MKKS: variants seen among roughly 807,000 people sequenced by gnomAD.
The protein encoded by MKKS is MKKS centrosomal shuttling protein, also known as molecular chaperone MKKS.
Under a neutral mutation model 33.2 loss-of-function variants are expected in MKKS, and 29 were observed. That is an observed-to-expected ratio of 0.87 (90% CI 0.65 to 1.19). The LOEUF (loss-of-function observed/expected upper bound fraction) is 1.19. Ranked by LOEUF, MKKS falls within the 50% of genes most tolerant of loss-of-function variation. The probability of loss-of-function intolerance (pLI) is 0.00; values close to 1 mark genes in which losing one functional copy is unlikely to be tolerated. For synonymous variants in MKKS, 260 were observed against 244.0 expected (o/e 1.07, Z -0.61); for missense variants, 661 against 662.3 (o/e 1.00, Z 0.02).
rs766731269 is a variant in MKKS, at chr20:10,408,657, T to C, written c.1132A>G (p.Arg378Gly). The stretch of plus-strand genomic sequence containing the variant: ...AGCTCATCCCAGGCAGTGTCATTTC[T>C]GTTGCAGAGAAGCAAGCTGCAGATT... ...ATICSLLLCN[R>G]NDTAWDELKL... is the part of the protein sequence containing the mutation. Residue 378 changes from arginine (R) to glycine (G), a missense_variant, in exon 4 of 6, where the codon AGA becomes GGA. Physicochemically the swap from Arg to Gly is moderately radical, Grantham distance 125. Coordinates refer to ENST00000347364, the MANE Select transcript of MKKS (RefSeq NM_170784.3). 5 of 1,614,032 alleles carry C rather than the reference T, an allele frequency of 3.1e-6. No individual in the cohort carries two copies. Among genetic ancestry groups the C allele is most frequent in the South Asian group, 2.2e-5 (2 of 91,086 alleles).
In MKKS at chr20:10,413,893, C is replaced by A; in HGVS notation, c.-379G>T. On this transcript the variant is annotated 5_prime_UTR_variant, in exon 3 of 6. Transcript: ENST00000347364. Reference sequence around the variant, plus strand: ...ATCCAACTGGTATTTTTCATCTCTTCTTTCGATATGAAGCTCAGATTCAAA... The same window carrying A: ...ATCCAACTGGTATTTTTCATCTCTTATTTCGATATGAAGCTCAGATTCAAA... The A allele has an allele frequency of 4.7e-6, 2 of 421,814 alleles. No homozygotes were observed. Among genetic ancestry groups the A allele is most frequent in the South Asian group, 8.8e-5 (1 of 11,402 alleles). 26.1% of individuals were successfully genotyped at this position (421,814 alleles called of 1,614,324 possible).
chr20:10,432,773 G>C (rs2065062671), intron 1 of MKKS, among the ~76,000 whole-genome samples: 1 of 118,190 alleles, frequency 8.5e-6, no homozygotes, highest in African/African-American at 3.1e-5. Context: ...CTGCGCGACA[G>C]AGCGAGACTC....
chr20:10,406,040 A>G (rs2064841808), intron 5 of MKKS, among the ~76,000 whole-genome samples: 1 of 152,174 alleles, frequency 6.6e-6, no homozygotes, highest in Admixed American at 6.5e-5. Flanking sequence ...GTTTTTCTGC[A>G]CACAGGAGGA....
In MKKS at chr20:10,405,673, T is replaced by G; in HGVS notation, c.1287A>C (p.Pro429=). ...ATTCATCATCTTTGAGAATGCTTTC[T>G]GGGTCGTTGTGAGTCTAAAGAGTAA... ...AYIRHKTHND[P]ESILKDDECT... The change falls in exon 6 of 6, where the codon CCA becomes CCC. Residue 429 remains proline, a synonymous_variant. Transcript: ENST00000347364. 4 of 1,613,906 alleles carry G rather than the reference T, an allele frequency of 2.5e-6. No homozygotes were observed. The highest frequency in any genetic ancestry group is 3.4e-6 in the Non-Finnish European group (4 of 1,179,778).
chr20:10,429,389 C>T (rs980705139), intron 1 of MKKS, among the ~76,000 whole-genome samples: 2 of 152,130 alleles, frequency 1.3e-5, no homozygotes, highest in Admixed American at 6.5e-5. Context: ...GTTTCCTGGG[C>T]GGTCTCATTC....
chr20:10,413,111 G>T lies in MKKS; in HGVS notation c.404C>A (p.Thr135Asn), dbSNP rs191973138. Residue 135 changes from threonine to asparagine, a missense_variant, in exon 3 of 6, where the codon ACC (threonine) becomes AAC (asparagine). Coordinates refer to ENST00000347364, the MANE Select transcript of MKKS (RefSeq NM_170784.3). ...GTCCACTGGGATTCGACAACCACAG[G>T]TCTCAGACTTGAGATAACTGATGCA... ...SLCISYLKSETCGCRIPVDFS... is the reference protein window; with the variant it reads ...SLCISYLKSENCGCRIPVDFS... The T allele has an allele frequency of 3.1e-6, 5 of 1,614,006 alleles. No individual in the cohort carries two copies. The highest frequency in any genetic ancestry group is 3.3e-5 in the Admixed American group (2 of 60,020).
Position 10,405,233 on chromosome 20 carries a change from A to G in MKKS, c.*14T>C. On this transcript the variant is annotated 3_prime_UTR_variant, in exon 6 of 6. Coordinates refer to ENST00000347364, the MANE Select transcript of MKKS (RefSeq NM_170784.3). ...GTTTATTTGTTTCTCTTGTAATACG[A>G]ACATGCTATTCTCTTAGTTTTTATC... The G allele has an allele frequency of 6.3e-7, 1 of 1,593,214 alleles. No homozygotes were observed. The highest frequency in any genetic ancestry group is 8.6e-7 in the Non-Finnish European group (1 of 1,166,252).
At chr20:10,407,590 A>G (rs2064851717) in intron 5 of MKKS, 26 bp downstream of exon 5, 2 of 1,586,044 alleles carry the variant, frequency 1.3e-6, no homozygotes, top group Non-Finnish European at 1.7e-6. Context: ...GAATTCAGGT[A>G]ATCCGAAGAG....
In MKKS at chr20:10,413,122, G is replaced by T. The variant is rs751982863; in HGVS notation, c.393C>A (p.Leu131=). 6.2e-7 allele frequency: 1 copy of T among 1,614,042 alleles called. No individual in the cohort carries two copies. Among genetic ancestry groups the T allele is most frequent in the Admixed American group, 1.7e-5 (1 of 60,022 alleles). Reference sequence around the variant, plus strand: ...TTCGACAACCACAGGTCTCAGACTTGAGATAACTGATGCAAAGACTCAAAA... The same window carrying T: ...TTCGACAACCACAGGTCTCAGACTTTAGATAACTGATGCAAAGACTCAAAA... ...KHLLSLCISY[L]KSETCGCRIP... Residue 131 remains leucine (L), a synonymous_variant, in exon 3 of 6, where the codon CTC becomes CTA. Coordinates refer to ENST00000347364, the MANE Select transcript of MKKS (RefSeq NM_170784.3).
Position 10,412,808 on chromosome 20 carries a change from G to A in MKKS, c.707C>T (p.Ser236Leu), listed in dbSNP as rs1193781288. 6.2e-7 allele frequency: 1 copy of A among 1,614,162 alleles called. No individual in the cohort carries two copies. The highest frequency in any genetic ancestry group is 8.5e-7 in the Non-Finnish European group (1 of 1,180,012). ...QLMRLLPIKK[S>L]TALKVALFCT... ...AAAGAGTGCCACCTTGAGGGCAGTT[G>A]ATTTTTTGATAGGTAATAGCCTCAT... The change falls in exon 3 of 6, where the codon TCA becomes TTA. Residue 236 changes from serine to leucine, a missense_variant. Physicochemically the swap from Ser to Leu is moderately radical, Grantham distance 145. Coordinates refer to ENST00000347364, the MANE Select transcript of MKKS (RefSeq NM_170784.3).
At chr20:10,419,751 A>G (rs979130226) in intron 2 of MKKS, among the ~76,000 whole-genome samples, 9 of 152,236 alleles carry the variant, frequency 5.9e-5, no homozygotes, top group African/African-American at 2.2e-4. Flanking sequence ...GTAGACAGAC[A>G]AGGGAATGAC....
intron 5 of MKKS, among the ~76,000 whole-genome samples, chr20:10,406,988 T>C (rs925516190): frequency 5.3e-5 from 8 of 152,174 alleles, no homozygotes; most frequent in Non-Finnish European, 1.0e-4. Context: ...CCAGTACTTA[T>C]GAAATAATCA....
intron 2 of MKKS, among the ~76,000 whole-genome samples, chr20:10,415,824 G>T (rs1324516948): frequency 6.6e-6 from 1 of 152,148 alleles, no homozygotes; most frequent in African/African-American, 2.4e-5. Context: ...TCTTACAGTA[G>T]TGAGACCAGT....
rs148515655 is a variant in MKKS, at chr20:10,401,958, A to G, written c.*3289T>C. 24 of 152,216 alleles carry G rather than the reference A, an allele frequency of 1.6e-4. No homozygotes were observed. The highest frequency in any genetic ancestry group is 6.8e-3 in the Middle Eastern group (2 of 294). 9.4% of individuals were successfully genotyped at this position (152,216 alleles called of 1,614,324 possible). A position where few individuals can be genotyped will look rare whatever the true frequency, so the allele number is the denominator to read the frequency against. ...AGGATATCTATAAGACCAAATAAGT[A>G]TTTGATTAAAAGTTTCCTTTATTTG... On this transcript the variant is annotated 3_prime_UTR_variant, in exon 6 of 6. Coordinates refer to ENST00000347364, the MANE Select transcript of MKKS (RefSeq NM_170784.3).
At chr20:10,427,314 T>C (rs1371510295) in intron 1 of MKKS, among the ~76,000 whole-genome samples, 1 of 152,220 alleles carries the variant, frequency 6.6e-6, no homozygotes, top group African/African-American at 2.4e-5. Flanking sequence ...TTGGACACAG[T>C]GTAAAACGGA....
chr20:10,405,255 T>A lies in MKKS; in HGVS notation c.1705A>T (p.Lys569Ter). 6.2e-7 allele frequency: 1 copy of A among 1,610,122 alleles called. No homozygotes were observed. ...ACGAACATGCTATTCTCTTAGTTTT[T>A]ATCTTCAATAACATATGAAAGATCC... ...ILDLSYVIED[K>*]N The change falls in exon 6 of 6, where the codon AAA becomes TAA. Residue 569 changes from lysine to a stop codon, truncating the protein, a stop_gained. Transcript: ENST00000347364. LOFTEE classifies it high-confidence loss of function.
At chr20:10,419,258 TTACAGGG>T (rs1346193017) in intron 2 of MKKS, among the ~76,000 whole-genome samples, 9 of 152,152 alleles carry the variant, frequency 5.9e-5, no homozygotes, top group African/African-American at 2.2e-4. Flanking sequence ...TGCTTTACAA[TTACAGGG>T]TCACAGTTCT....
intron 1 of MKKS, among the ~76,000 whole-genome samples, chr20:10,422,139 AT>A (rs2064984759): frequency 6.6e-6 from 1 of 152,208 alleles, no homozygotes. Context: ...AAAAGATGTT[AT>A]CTTATAGCTA....
intron 5 of MKKS, 95 bp from the exon 6 acceptor site, chr20:10,405,782 A>G: frequency 8.5e-7 from 1 of 1,171,250 alleles, no homozygotes; most frequent in Non-Finnish European, 1.2e-6. Flanking sequence ...CTTATTCCTA[A>G]AGTAATTACT....
Sources: allele counts gnomAD v4.1 joint callset (sites outside exome capture counted in the v4.1 genomes callset), GRCh38; gene constraint gnomAD v4.1.1; transcripts MANE v1.5; gene names NCBI Gene and HGNC (gene_info 2026-07-23, HGNC 2026-07-21).